Variants in CACNG2 observed in about 807,000 individuals in gnomAD.
The protein encoded by CACNG2 is voltage-dependent calcium channel gamma-2 subunit.
A neutral mutation model predicts 25.9 loss-of-function variants in CACNG2; 3 were observed. That is an observed-to-expected ratio of 0.12 (90% CI 0.05 to 0.30). The LOEUF is 0.30. Among genes scored for constraint, CACNG2 ranks in the 10% least tolerant of loss-of-function variants. The pLI is 1.00. For synonymous variants in CACNG2, 167 were observed against 173.3 expected (o/e 0.96, Z 0.29); for missense variants, 341 against 432.5 (o/e 0.79, Z 1.88).
At chr22:36,568,734 CTCT>C (rs1307823877) in intron 2 of CACNG2, among the ~76,000 whole-genome samples, 2 of 152,188 alleles carry the variant, frequency 1.3e-5, no homozygotes, top group African/African-American at 2.4e-5. Flanking sequence ...GATGTGAAAA[CTCT>C]TCTTCTGTCC....
At chr22:36,652,013 G>A (rs913795022) in intron 1 of CACNG2, among the ~76,000 whole-genome samples, 1 of 152,080 alleles carries the variant, frequency 6.6e-6, no homozygotes, top group African/African-American at 2.4e-5. Flanking sequence ...ACAATCATGT[G>A]CCACCATGCC....
rs1001921614 is a variant in CACNG2, at chr22:36,668,152, C to A, written c.211+34214G>T. ...CCTGATGCCTCTGCCGGGCTCTCGGCTCCTCTCTCCCTCCTTATCCTTGTT... is the reference window on the plus strand; with the variant it reads ...CCTGATGCCTCTGCCGGGCTCTCGGATCCTCTCTCCCTCCTTATCCTTGTT... On this transcript the variant is annotated intron_variant, in intron 1 of 3. Transcript: ENST00000300105. 4.6e-5 allele frequency among the ~76,000 whole-genome samples: 7 copies of A among 152,216 alleles called. 1 individual carries two copies. Among genetic ancestry groups the A allele is most frequent in the Admixed American group, 6.5e-5 (1 of 15,286 alleles).
chr22:36,635,766 C>T (rs13340045), intron 1 of CACNG2, among the ~76,000 whole-genome samples: 3,465 of 152,206 alleles, frequency 0.023, 134 homozygotes, highest in African/African-American at 0.081. Context: ...TTCTCCATGT[C>T]GCTCACCTCC....
chr22:36,649,088 A>G (rs1484525284), intron 1 of CACNG2, among the ~76,000 whole-genome samples: 1 of 152,140 alleles, frequency 6.6e-6, no homozygotes, highest in African/African-American at 2.4e-5. Flanking sequence ...TTCTGCCCTC[A>G]CTTTGGGTCT....
intron 1 of CACNG2, among the ~76,000 whole-genome samples, chr22:36,656,752 CTT>C (rs1459444757): frequency 6.6e-5 from 10 of 152,216 alleles, no homozygotes; most frequent in African/African-American, 9.6e-5. Context: ...CGCCTTGAGA[CTT>C]TGCCCCAGAC....
intron 1 of CACNG2, among the ~76,000 whole-genome samples, chr22:36,667,488 T>C (rs1057355411): frequency 1.7e-4 from 26 of 152,216 alleles, no homozygotes; most frequent in Admixed American, 1.6e-3. Context: ...CCCAATACTT[T>C]GCACCGAACC....
chr22:36,565,810 A>C (rs2145904710), intron 3 of CACNG2, among the ~76,000 whole-genome samples: 1 of 152,278 alleles, frequency 6.6e-6, no homozygotes, highest in South Asian at 2.1e-4. Context: ...CATTCTTATT[A>C]AATGGCTCAG....
At chr22:36,669,543 C>T (rs1936921302) in intron 1 of CACNG2, among the ~76,000 whole-genome samples, 1 of 146,282 alleles carries the variant, frequency 6.8e-6, no homozygotes, top group Non-Finnish European at 1.5e-5. Flanking sequence ...AGAACATCTT[C>T]TCTGAACTCC....
intron 1 of CACNG2, among the ~76,000 whole-genome samples, chr22:36,604,295 G>T (rs1935799386): frequency 6.6e-6 from 1 of 152,184 alleles, no homozygotes; most frequent in African/African-American, 2.4e-5. Flanking sequence ...TTATGGATAA[G>T]CAAAGAAAGT....
At chr22:36,586,053 G>A (rs909594153) in intron 2 of CACNG2, among the ~76,000 whole-genome samples, 1 of 152,282 alleles carries the variant, frequency 6.6e-6, no homozygotes, top group Non-Finnish European at 1.5e-5. Flanking sequence ...GTGGCTCCCA[G>A]TGTGGGGCTT....
At chr22:36,663,069 T>G (rs912943100) in intron 1 of CACNG2, among the ~76,000 whole-genome samples, 1 of 151,890 alleles carries the variant, frequency 6.6e-6, no homozygotes, top group African/African-American at 2.4e-5. Context: ...GAGACAGAAC[T>G]CAGTGAAGTA....
At chr22:36,602,332 G>A (rs1398247006) in intron 1 of CACNG2, among the ~76,000 whole-genome samples, 3 of 151,706 alleles carry the variant, frequency 2.0e-5, no homozygotes, top group Non-Finnish European at 2.9e-5. Context: ...TCATTTTGTT[G>A]TTTGTTAAAA....
At chr22:36,574,182 T>A (rs569543571) in intron 2 of CACNG2, among the ~76,000 whole-genome samples, 1 of 152,258 alleles carries the variant, frequency 6.6e-6, no homozygotes, top group East Asian at 1.9e-4. Flanking sequence ...ATGATCTGAT[T>A]TGCATCTTAA....
chr22:36,572,049 G>C (rs1935239007), intron 2 of CACNG2, among the ~76,000 whole-genome samples: 1 of 152,130 alleles, frequency 6.6e-6, no homozygotes, highest in South Asian at 2.1e-4. Flanking sequence ...ACAAAGCCAA[G>C]CATGGTCTTG....
At chr22:36,596,292 G>C (rs762352056) in intron 1 of CACNG2, among the ~76,000 whole-genome samples, 1 of 152,164 alleles carries the variant, frequency 6.6e-6, no homozygotes, top group African/African-American at 2.4e-5. Context: ...GCAGGGATTC[G>C]GGAGGCCTCA....
Position 36,702,651 on chromosome 22 carries a change from C to G in CACNG2, c.-75G>C, listed in dbSNP as rs1189259490. 21 of 1,086,718 alleles carry G rather than the reference C, an allele frequency of 1.9e-5. No individual in the cohort carries two copies. The highest frequency in any genetic ancestry group is 2.5e-5 in the Non-Finnish European group (18 of 714,332). The allele number at this position is 1,086,718 out of a possible 1,614,324, so 67.3% of individuals were successfully genotyped here. ...GTGTGTGAGGGTGCAAGTACTAAAG[C>G]CAAAAAAAATAAATAAAAATAAAAA... On this transcript the variant is annotated 5_prime_UTR_variant, in exon 1 of 4. Coordinates refer to ENST00000300105, the MANE Select transcript of CACNG2 (RefSeq NM_006078.5).
intron 1 of CACNG2, among the ~76,000 whole-genome samples, chr22:36,649,911 T>C (rs907452330): frequency 2.0e-5 from 3 of 152,256 alleles, no homozygotes; most frequent in Non-Finnish European, 2.9e-5. Flanking sequence ...ACCTCTTTCC[T>C]TGATAAATTA....
At chr22:36,611,391 C>T (rs1935936612) in intron 1 of CACNG2, among the ~76,000 whole-genome samples, 1 of 152,270 alleles carries the variant, frequency 6.6e-6, no homozygotes, top group East Asian at 1.9e-4. Context: ...GGGCTATGAC[C>T]CCAGGTCAGG....
chr22:36,670,286 C>T (rs1261126447), intron 1 of CACNG2, among the ~76,000 whole-genome samples: 1 of 152,112 alleles, frequency 6.6e-6, no homozygotes, highest in East Asian at 1.9e-4. Flanking sequence ...TTTTTTGAAA[C>T]CCAATTCTCC....
Sources: gnomAD v4.1 joint callset for allele counts (sites outside exome capture counted in the v4.1 genomes callset) on GRCh38, gnomAD v4.1.1 for gene constraint, MANE v1.5 for transcripts, NCBI Gene and HGNC (gene_info 2026-07-23, HGNC 2026-07-21) for gene names.